The following AUTS2 variants were observed in gnomAD, a reference collection of about 807,000 sequenced individuals.
The protein encoded by AUTS2 is autism susceptibility gene 2 protein.
A neutral mutation model predicts 112.4 loss-of-function variants in AUTS2; 17 were observed. The ratio of observed to expected loss-of-function variants is 0.15; its 90% CI spans 0.10 to 0.23. The LOEUF (loss-of-function observed/expected upper bound fraction) is 0.23, where lower values mean the gene tolerates loss of function less well. Among genes scored for constraint, AUTS2 ranks in the 10% least tolerant of loss-of-function variants. The probability of loss-of-function intolerance (pLI) is 1.00; values close to 1 mark genes in which losing one functional copy is unlikely to be tolerated. For missense variants in AUTS2, 1,510 were observed against 1,701.6 expected (o/e 0.89, Z 1.98); for synonymous variants, 751 against 702.7 (o/e 1.07, Z -1.09).
chr7:70,513,152 G>A (rs919482026), intron 5 of AUTS2, among the ~76,000 whole-genome samples: 1 of 152,218 alleles, frequency 6.6e-6, no homozygotes, highest in African/African-American at 2.4e-5. Context: ...GTTATGTGGG[G>A]TTTTTGCCTT....
chr7:70,724,877 G>A (rs1302599540), intron 6 of AUTS2, among the ~76,000 whole-genome samples: 1 of 152,164 alleles, frequency 6.6e-6, no homozygotes, highest in Admixed American at 6.5e-5. Context: ...CCATTACAAG[G>A]TGTACCATTG....
chr7:70,249,886 T>TA (rs912754420), intron 4 of AUTS2, among the ~76,000 whole-genome samples: 2 of 127,198 alleles, frequency 1.6e-5, no homozygotes, highest in African/African-American at 6.5e-5. Context: ...ATATTTTAAG[T>TA]AAAATATTAA....
At chr7:69,911,178 A>T (rs1462504210) in intron 2 of AUTS2, among the ~76,000 whole-genome samples, 1 of 152,230 alleles carries the variant, frequency 6.6e-6, no homozygotes, top group Non-Finnish European at 1.5e-5. Context: ...GGGCAGCCCC[A>T]GGCACCAGAA....
chr7:70,714,778 A>C (rs1211986821), intron 6 of AUTS2, among the ~76,000 whole-genome samples: 1 of 152,206 alleles, frequency 6.6e-6, no homozygotes, highest in East Asian at 1.9e-4. Flanking sequence ...AGCTTTGATT[A>C]GATTCAGGTT....
chr7:70,316,592 T>G (rs1790009526), intron 4 of AUTS2, among the ~76,000 whole-genome samples: 1 of 151,812 alleles, frequency 6.6e-6, no homozygotes, highest in Admixed American at 6.6e-5. Context: ...TAGAGCTGAG[T>G]TTTGCTGTGT....
intron 5 of AUTS2, among the ~76,000 whole-genome samples, chr7:70,576,740 T>C (rs1802186896): frequency 6.6e-6 from 1 of 150,712 alleles, no homozygotes; most frequent in South Asian, 2.2e-4. Flanking sequence ...TTTTCTGAAA[T>C]GTTTCCTGGA....
At chr7:69,674,999 C>T (rs1355206753) in intron 1 of AUTS2, among the ~76,000 whole-genome samples, 1 of 152,160 alleles carries the variant, frequency 6.6e-6, no homozygotes, top group African/African-American at 2.4e-5. Flanking sequence ...GTGTCTTTAA[C>T]CCTGTGACTG....
intron 6 of AUTS2, among the ~76,000 whole-genome samples, chr7:70,748,460 G>A (rs1486868730): frequency 6.6e-6 from 1 of 152,132 alleles, no homozygotes; most frequent in East Asian, 1.9e-4. Flanking sequence ...AGCCATCATG[G>A]CTGGGGATAA....
intron 1 of AUTS2, among the ~76,000 whole-genome samples, chr7:69,663,732 T>C (rs1340951650): frequency 6.6e-6 from 1 of 152,160 alleles, no homozygotes; most frequent in African/African-American, 2.4e-5. Flanking sequence ...ATGCTTTCTG[T>C]GGGCTCTTGC....
At chr7:69,948,500 T>A (rs1262049213) in intron 2 of AUTS2, among the ~76,000 whole-genome samples, 1 of 152,166 alleles carries the variant, frequency 6.6e-6, no homozygotes, top group Non-Finnish European at 1.5e-5. Flanking sequence ...GCCATTGTAT[T>A]ACTTATGCTT....
At chr7:70,184,360 C>A (rs1423881362) in intron 4 of AUTS2, among the ~76,000 whole-genome samples, 2 of 152,164 alleles carry the variant, frequency 1.3e-5, no homozygotes, top group Non-Finnish European at 2.9e-5. Context: ...TTTCATCCTC[C>A]AAGAACAAGA....
chr7:70,406,527 GAGA>G (rs1794541199), intron 4 of AUTS2, among the ~76,000 whole-genome samples: 1 of 152,216 alleles, frequency 6.6e-6, no homozygotes, highest in Admixed American at 6.5e-5. Flanking sequence ...TACATCTGTT[GAGA>G]AGAACAGTGT....
chr7:70,552,887 A>G (rs1370671307), intron 5 of AUTS2, among the ~76,000 whole-genome samples: 1 of 152,192 alleles, frequency 6.6e-6, no homozygotes, highest in African/African-American at 2.4e-5. Context: ...CAGCACAAAC[A>G]CTTTCCTCAC....
At chr7:69,945,981 C>G (rs1457126518) in intron 2 of AUTS2, among the ~76,000 whole-genome samples, 1 of 152,066 alleles carries the variant, frequency 6.6e-6, no homozygotes, top group East Asian at 1.9e-4. Flanking sequence ...GGATTATAGG[C>G]TCGTGCCCAC....
At chr7:70,053,626 C>T (rs1258753545) in intron 2 of AUTS2, among the ~76,000 whole-genome samples, 1 of 150,014 alleles carries the variant, frequency 6.7e-6, no homozygotes, top group African/African-American at 2.5e-5. Flanking sequence ...TGAAGCCTTG[C>T]CCTCCAGGGC....
intron 4 of AUTS2, among the ~76,000 whole-genome samples, chr7:70,265,845 C>T (rs1177157308): frequency 1.3e-5 from 2 of 152,076 alleles, no homozygotes; most frequent in South Asian, 2.1e-4. Context: ...CCATCAAGGG[C>T]AATTCAATTC....
At chr7:70,053,797 C>T (rs990413087) in intron 2 of AUTS2, among the ~76,000 whole-genome samples, 9 of 152,138 alleles carry the variant, frequency 5.9e-5, no homozygotes, top group Admixed American at 5.2e-4. Flanking sequence ...CTGTCTTGGC[C>T]TCCCAAAGTG....
At chr7:70,779,551 G>A (rs57759557) in intron 14 of AUTS2, among the ~76,000 whole-genome samples, 4 of 152,198 alleles carry the variant, frequency 2.6e-5, no homozygotes, top group East Asian at 1.9e-4. Flanking sequence ...GGACGTTGCC[G>A]TCAGCAGTAA....
At chr7:69,955,537 C>T (rs939385243) in intron 2 of AUTS2, among the ~76,000 whole-genome samples, 3 of 152,074 alleles carry the variant, frequency 2.0e-5, no homozygotes, top group Admixed American at 2.0e-4. Context: ...GGAGAGAGTC[C>T]AGTGGTGGCA....
Sources: allele counts gnomAD v4.1 joint callset (sites outside exome capture counted in the v4.1 genomes callset), GRCh38; gene constraint gnomAD v4.1.1; transcripts MANE v1.5; gene names NCBI Gene and HGNC (gene_info 2026-07-23, HGNC 2026-07-21).